The following SAMD7 variants were observed in gnomAD, a reference collection of about 807,000 sequenced individuals.
SAMD7 encodes the protein sterile alpha motif domain-containing protein 7.
Under a neutral mutation model 36.7 loss-of-function variants are expected in SAMD7, and 34 were observed. That is an observed-to-expected ratio of 0.93 (90% CI 0.71 to 1.23). SAMD7 has a LOEUF of 1.23. Among genes scored for constraint, SAMD7 ranks in the 50% most tolerant of loss-of-function variants. SAMD7 has a pLI of 0.00. For missense variants in SAMD7, 570 were observed against 546.6 expected, an observed-to-expected ratio of 1.04 and a Z score of -0.43; for synonymous variants, 188 against 189.7, an observed-to-expected ratio of 0.99 and a Z score of 0.07.
chr3:169,919,625 T>C (rs1434714839), intron 3 of SAMD7, 41 bp downstream of exon 3: 1 of 1,395,530 alleles, frequency 7.2e-7, no homozygotes, highest in South Asian at 1.2e-5. Context: ...AAGAACAACA[T>C]GGACAATCAT....
At chr3:169,936,827 G>A (rs959971229) in intron 8 of SAMD7, among the ~76,000 whole-genome samples, 1 of 151,924 alleles carries the variant, frequency 6.6e-6, no homozygotes, top group Non-Finnish European at 1.5e-5. Context: ...TCCCACTCGG[G>A]AGTGCTGCCC....
In SAMD7 at chr3:169,915,443, T is replaced by C. The variant is rs755425734; in HGVS notation, c.-42+2T>C. 6.6e-6 allele frequency: 1 copy of C among 152,074 alleles called. No homozygotes were observed. Among genetic ancestry groups the C allele is most frequent in the Non-Finnish European group, 1.5e-5 (1 of 68,024 alleles). 9.4% of individuals were successfully genotyped at this position (152,074 alleles called of 1,614,324 possible). ...TCATCTCCACGGCTTTTCCTAAAGG[T>C]AACATGTAAGAGGAAGAGGTGGTGA... is the stretch of plus-strand genomic sequence containing the variant. On this transcript the variant is annotated splice_donor_variant, in intron 2 of 8. Transcript: ENST00000335556. LOFTEE classifies it low-confidence loss of function (5UTR_SPLICE).
rs769973976 is a variant in SAMD7 at position 169,936,315 on chromosome 3, T to C, written c.1042-24T>C. The stretch of plus-strand genomic sequence containing the variant: ...TTCAAAAAAAGACATTCAGACAGAG[T>C]TAACACCTTTTGTATTTATGAAGGT... On this transcript the variant is annotated intron_variant, in intron 7 of 8. Coordinates refer to ENST00000335556, the MANE Select transcript of SAMD7 (RefSeq NM_001304366.2). 10 of 1,410,750 alleles carry C rather than the reference T, an allele frequency of 7.1e-6. No homozygotes were observed. In the East Asian group the frequency reaches 1.1e-4, roughly 16 times the overall value. The allele number at this position is 1,410,750 out of a possible 1,614,324, so 87.4% of individuals were successfully genotyped here. A position where few individuals can be genotyped will look rare whatever the true frequency, so the allele number is the denominator to read the frequency against.
chr3:169,923,079 T>TC (rs1559950195), intron 4 of SAMD7, among the ~76,000 whole-genome samples: 1 of 151,956 alleles, frequency 6.6e-6, no homozygotes, highest in East Asian at 1.9e-4. Flanking sequence ...GTATCTTCTA[T>TC]CCCCCCCAAA....
At position 169,933,960 on chromosome 3, in the gene SAMD7, G is replaced by A. The variant is rs996485056; in HGVS notation, c.1042-2379G>A. Among the ~76,000 whole-genome samples, 16 of 152,350 alleles carry A rather than the reference G, an allele frequency of 1.1e-4. No individual in the cohort carries two copies. The South Asian group carries it at 3.3e-3, about 32-fold the overall frequency. On this transcript the variant is annotated intron_variant, in intron 7 of 8. Coordinates refer to ENST00000335556, the MANE Select transcript of SAMD7 (RefSeq NM_001304366.2). ...AAGAGGAGAGGTGAGGCAGGAGGGA[G>A]ATAAAGGAGGAATTTCCAGGTGAGG...
chr3:169,916,712 G>T (rs1388201778), intron 2 of SAMD7, among the ~76,000 whole-genome samples: 1 of 152,138 alleles, frequency 6.6e-6, no homozygotes, highest in African/African-American at 2.4e-5. Context: ...CCTCACTTAT[G>T]AGTAAGTTCA....
chr3:169,912,409 A>G (rs1367004594), intron 1 of SAMD7, among the ~76,000 whole-genome samples: 1 of 152,228 alleles, frequency 6.6e-6, no homozygotes. Flanking sequence ...ATTCAGTTCC[A>G]TTATATGAGT....
rs979746156 is a variant in SAMD7 at position 169,921,427 on chromosome 3, T to A, written c.211+89T>A. 6 of 1,364,902 alleles carry A rather than the reference T, an allele frequency of 4.4e-6. No homozygotes were observed. In the African/African-American group the frequency reaches 5.7e-5, roughly 13 times the overall value. The allele number at this position is 1,364,902 out of a possible 1,614,324, so 84.5% of individuals were successfully genotyped here. On this transcript the variant is annotated intron_variant, in intron 4 of 8. Transcript: ENST00000335556. ...GTTTGCCATCAAATTACTCCTAAAT[T>A]TTGGAGGCAGATCTGTGTGGTGGTT...
intron 7 of SAMD7, chr3:169,932,716 G>T: frequency 1.1e-5 from 6 of 548,934 alleles, no homozygotes; most frequent in South Asian, 8.7e-5. Flanking sequence ...ACTGACACCC[G>T]TGGGCCAGGA....
At chr3:169,937,247 CTT>C (rs199520332) in intron 8 of SAMD7, among the ~76,000 whole-genome samples, 1 of 151,312 alleles carries the variant, frequency 6.6e-6, no homozygotes, top group Non-Finnish European at 1.5e-5. Flanking sequence ...TATTGGCCTT[CTT>C]TTTTTTTAAT....
chr3:169,926,157 T>G, intron 5 of SAMD7: 1 of 633,644 alleles, frequency 1.6e-6, no homozygotes, highest in Non-Finnish European at 2.5e-6. Context: ...TTTATAAATA[T>G]TGAGACTTGC....
chr3:169,917,006 G>C (rs1332016459), intron 2 of SAMD7, among the ~76,000 whole-genome samples: 2 of 152,206 alleles, frequency 1.3e-5, no homozygotes, highest in Non-Finnish European at 2.9e-5. Flanking sequence ...AATCCTGACT[G>C]TGTGGTGGTA....
intron 7 of SAMD7, among the ~76,000 whole-genome samples, chr3:169,930,578 CTTTTTTTTTTTTT>C (rs772549629): frequency 9.8e-6 from 1 of 101,724 alleles, no homozygotes; most frequent in Non-Finnish European, 1.9e-5. Flanking sequence ...CCTTTCTTTT[CTTTTTTTTTTTTT>C]TTTTTTTTGA....
chr3:169,916,444 G>A (rs1468353506), intron 2 of SAMD7, among the ~76,000 whole-genome samples: 2 of 152,172 alleles, frequency 1.3e-5, no homozygotes, highest in African/African-American at 4.8e-5. Context: ...TCAGGAGTTT[G>A]AGACCAGCCT....
intron 7 of SAMD7, among the ~76,000 whole-genome samples, chr3:169,935,835 C>T (rs1559955043): frequency 1.3e-5 from 2 of 152,228 alleles, no homozygotes; most frequent in Non-Finnish European, 1.5e-5. Flanking sequence ...TGGAAAGGTC[C>T]GGTAGGGAAA....
Position 169,938,437 on chromosome 3 carries a change from A to G in SAMD7, c.1272A>G (p.Thr424=). The G allele has an allele frequency of 2.5e-6, 4 of 1,613,202 alleles. No homozygotes were observed. Among genetic ancestry groups the G allele is most frequent in the Non-Finnish European group, 1.7e-6 (2 of 1,179,126 alleles). Residue 424 remains threonine (T), a synonymous_variant, in exon 9 of 9, where the codon ACA becomes ACG. Coordinates refer to ENST00000335556, the MANE Select transcript of SAMD7 (RefSeq NM_001304366.2). ...PLLDPNSWSD[T]MNIFCPQDTI... is the part of the protein sequence containing the mutation. ...TGGATCCTAATTCCTGGAGTGATAC[A>G]ATGAACATTTTTTGTCCCCAGGATA...
chr3:169,928,571 A>G lies in SAMD7; in HGVS notation c.1034A>G (p.Tyr345Cys). 1.2e-6 allele frequency: 2 copies of G among 1,613,564 alleles called. No homozygotes were observed. The highest frequency in any genetic ancestry group is 8.5e-7 in the Non-Finnish European group (1 of 1,179,672). ...FIRSLPGCSD[Y>C]AQVFKDHAID... is the part of the protein sequence containing the mutation. ...CGCAGCCTTCCAGGTTGTTCAGACT[A>G]TGCTCAGGTGACTTAATGTTTAAGT... The change falls in exon 7 of 9, where the codon TAT (tyrosine) becomes TGT (cysteine). Residue 345 changes from tyrosine to cysteine, a missense_variant. By Grantham distance (194) the Tyr-to-Cys change is radical. Coordinates refer to ENST00000335556, the MANE Select transcript of SAMD7 (RefSeq NM_001304366.2).
intron 1 of SAMD7, among the ~76,000 whole-genome samples, chr3:169,913,209 A>G (rs1712672729): frequency 6.6e-6 from 1 of 152,236 alleles, no homozygotes; most frequent in South Asian, 2.1e-4. Context: ...AAATTAATTC[A>G]TTTTAATGTA....
chr3:169,913,154 C>T (rs1007939115), intron 1 of SAMD7, among the ~76,000 whole-genome samples: 1 of 152,162 alleles, frequency 6.6e-6, no homozygotes, highest in African/African-American at 2.4e-5. Context: ...TTCTACTGAT[C>T]TACTTTTCAC....
Sources: gnomAD v4.1 joint callset for allele counts (sites outside exome capture counted in the v4.1 genomes callset) on GRCh38, gnomAD v4.1.1 for gene constraint, MANE v1.5 for transcripts, NCBI Gene and HGNC (gene_info 2026-07-23, HGNC 2026-07-21) for gene names.